Variants in MYO18B observed in about 807,000 individuals in gnomAD.
The protein encoded by MYO18B is unconventional myosin-XVIIIb.
A neutral mutation model predicts 273.0 loss-of-function variants in MYO18B; 204 were observed. The observed-to-expected ratio is 0.75, with a 90% confidence interval of 0.67 to 0.84. MYO18B has a LOEUF of 0.84. Among genes scored for constraint, MYO18B ranks in the 40% least tolerant of loss-of-function variants. The pLI is 0.00. For missense variants in MYO18B, 3,212 were observed against 3,287.6 expected (o/e 0.98, Z 0.56); for synonymous variants, 1,330 against 1,305.7 (o/e 1.02, Z -0.40).
intron 3 of MYO18B, among the ~76,000 whole-genome samples, chr22:25,766,615 T>C (rs1299199255): frequency 1.3e-5 from 2 of 152,012 alleles, no homozygotes; most frequent in African/African-American, 4.8e-5. Flanking sequence ...GAGTAGACCA[T>C]GGACAAGTGA....
intron 5 of MYO18B, 87 bp downstream of exon 5, chr22:25,770,263 T>C: frequency 7.4e-7 from 1 of 1,358,132 alleles, no homozygotes; most frequent in Non-Finnish European, 1.0e-6. Context: ...AGGTCCTGAT[T>C]ATACTTTGGT....
intron 15 of MYO18B, among the ~76,000 whole-genome samples, chr22:25,829,761 C>G (rs2089639092): frequency 6.6e-6 from 1 of 151,996 alleles, no homozygotes; most frequent in Non-Finnish European, 1.5e-5. Flanking sequence ...TCGCTTGAAC[C>G]CGGGAGGTGG....
intron 25 of MYO18B, among the ~76,000 whole-genome samples, chr22:25,880,651 G>A (rs1032244700): frequency 4.6e-5 from 7 of 152,180 alleles, no homozygotes; most frequent in African/African-American, 1.4e-4. Context: ...ACATTTGACT[G>A]GACACCTTGA....
intron 42 of MYO18B, among the ~76,000 whole-genome samples, chr22:26,012,909 T>A (rs1176791920): frequency 6.6e-6 from 1 of 152,186 alleles, no homozygotes; most frequent in Non-Finnish European, 1.5e-5. Context: ...TAATTTGTAA[T>A]TACTAACAAA....
At chr22:25,764,265 C>T (rs991430069) in intron 3 of MYO18B, among the ~76,000 whole-genome samples, 1 of 152,176 alleles carries the variant, frequency 6.6e-6, no homozygotes, top group Non-Finnish European at 1.5e-5. Flanking sequence ...CTGGTGGTGG[C>T]CAGTGCTATT....
chr22:25,829,687 A>G (rs1269724701), intron 15 of MYO18B, among the ~76,000 whole-genome samples: 1 of 151,882 alleles, frequency 6.6e-6, no homozygotes, highest in Admixed American at 6.6e-5. Context: ...AAAATACAAA[A>G]ATTAGCCAGA....
chr22:25,792,328 C>G (rs1210034046), intron 11 of MYO18B, among the ~76,000 whole-genome samples: 2 of 151,504 alleles, frequency 1.3e-5, no homozygotes, highest in African/African-American at 4.8e-5. Flanking sequence ...CTCCTCTCCA[C>G]TTAAATGGAC....
intron 16 of MYO18B, among the ~76,000 whole-genome samples, chr22:25,833,842 G>A (rs2089801277): frequency 6.6e-6 from 1 of 152,210 alleles, no homozygotes; most frequent in Non-Finnish European, 1.5e-5. Flanking sequence ...ACTGCAGGCT[G>A]CCCCTCCCCT....
In MYO18B at chr22:25,855,440, C is replaced by T. The variant is rs553592066; in HGVS notation, c.3885+3861C>T. Among the ~76,000 whole-genome samples, 181 of 152,142 alleles carry T rather than the reference C, an allele frequency of 1.2e-3. 3 individuals carry two copies. The highest frequency in any genetic ancestry group is 4.0e-3 in the African/African-American group (167 of 41,520). On this transcript the variant is annotated intron_variant, in intron 21 of 43. Coordinates refer to ENST00000335473, the MANE Select transcript of MYO18B (RefSeq NM_032608.7). The stretch of plus-strand genomic sequence containing the variant: ...CTGGAACTTCAGGCGCCCGCCACCA[C>T]GCCTGGCTAATTTTTTGTATTTTTA...
Position 25,910,783 on chromosome 22 carries a change from T to C in MYO18B, c.5260-163T>C, listed in dbSNP as rs5996999. 0.42 allele frequency among the ~76,000 whole-genome samples: 63,822 copies of C among 151,944 alleles called. 13,928 individuals carry two copies. The highest frequency in any genetic ancestry group is 0.51 in the Middle Eastern group (150 of 294). ...GTCCAGCTCCCAAGCTTTTAGGCTC[T>C]TAAATTCTCCCACAGAGACACTACC... On this transcript the variant is annotated intron_variant, in intron 32 of 43. Transcript: ENST00000335473.
intron 42 of MYO18B, among the ~76,000 whole-genome samples, chr22:26,016,250 G>A (rs1350306636): frequency 1.3e-5 from 2 of 152,198 alleles, no homozygotes; most frequent in African/African-American, 4.8e-5. Flanking sequence ...TGTGAAAATT[G>A]TAGCAGAAGG....
intron 15 of MYO18B, 42 bp from the exon 16 acceptor site, chr22:25,832,875 G>C (rs1484816656): frequency 6.5e-7 from 1 of 1,547,364 alleles, no homozygotes; most frequent in Non-Finnish European, 8.9e-7. Flanking sequence ...TCCCCCTTCA[G>C]CTCGCTAAAA....
At chr22:25,886,312 A>T (rs2091498238) in intron 25 of MYO18B, among the ~76,000 whole-genome samples, 1 of 152,210 alleles carries the variant, frequency 6.6e-6, no homozygotes, top group South Asian at 2.1e-4. Context: ...ATCTCTGGGG[A>T]ACCCGGGAGC....
chr22:25,847,374 C>T (rs2090282485), intron 19 of MYO18B, 56 bp from the exon 20 acceptor site: 5 of 1,467,742 alleles, frequency 3.4e-6, no homozygotes, highest in East Asian at 5.0e-5. Context: ...AGGGTCCAGT[C>T]CCCTTTCTGT....
chr22:25,856,887 T>G (rs1396625225), intron 21 of MYO18B, among the ~76,000 whole-genome samples: 2 of 152,174 alleles, frequency 1.3e-5, no homozygotes, highest in Non-Finnish European at 2.9e-5. Context: ...AGACCTGATC[T>G]TTGTGACTTG....
chr22:25,949,624 TTGA>T (rs2092768414), intron 36 of MYO18B, among the ~76,000 whole-genome samples: 1 of 152,202 alleles, frequency 6.6e-6, no homozygotes, highest in South Asian at 2.1e-4. Context: ...AACAAAATAA[TTGA>T]TGATATCATC....
intron 12 of MYO18B, among the ~76,000 whole-genome samples, chr22:25,823,182 A>G (rs2089348154): frequency 6.6e-6 from 1 of 152,180 alleles, no homozygotes; most frequent in Non-Finnish European, 1.5e-5. Flanking sequence ...GTAAATGGAT[A>G]TGTGGGTGGG....
Position 25,911,048 on chromosome 22 carries a change from C to T in MYO18B, c.5362C>T (p.Gln1788Ter). 1 of 1,598,534 alleles carries T rather than the reference C, an allele frequency of 6.3e-7. No individual in the cohort carries two copies. The highest frequency in any genetic ancestry group is 8.5e-7 in the Non-Finnish European group (1 of 1,171,888). Residue 1788 changes from glutamine (Q) to a stop codon, truncating the protein, a stop_gained and splice_region_variant, in exon 33 of 44, where the codon CAG (glutamine) becomes TAG (stop). Transcript: ENST00000335473. LOFTEE classifies it high-confidence loss of function. ...LEGLIGTLCD[Q>*]IGHRDFDVEK... Reference sequence around the variant, plus strand: ...AGGCTTGATCGGAACCCTCTGTGACCAGGTAAGGGGGAGACATTGGCAGAC... The same window carrying T: ...AGGCTTGATCGGAACCCTCTGTGACTAGGTAAGGGGGAGACATTGGCAGAC...
chr22:25,963,444 C>T (rs957195784), intron 39 of MYO18B, among the ~76,000 whole-genome samples: 8 of 150,858 alleles, frequency 5.3e-5, no homozygotes, highest in Non-Finnish European at 1.0e-4. Flanking sequence ...CTGCATCATG[C>T]TTATCTCTGC....
Sources: gnomAD v4.1 joint callset for allele counts (sites outside exome capture counted in the v4.1 genomes callset) on GRCh38, gnomAD v4.1.1 for gene constraint, MANE v1.5 for transcripts, NCBI Gene and HGNC (gene_info 2026-07-23, HGNC 2026-07-21) for gene names.